SLC35F1: variants seen among roughly 807,000 people sequenced by gnomAD.
SLC35F1 encodes the protein solute carrier family 35 member F1.
Under a neutral mutation model 48.7 loss-of-function variants are expected in SLC35F1, and 14 were observed. That is an observed-to-expected ratio of 0.29 (90% CI 0.19 to 0.45). SLC35F1 has a LOEUF of 0.45. Among genes scored for constraint, SLC35F1 ranks in the 20% least tolerant of loss-of-function variants. The pLI is 1.00. For synonymous variants in SLC35F1, 190 were observed against 202.2 expected (o/e 0.94, Z 0.51); for missense variants, 404 against 500.0 (o/e 0.81, Z 1.83).
chr6:118,261,207 C>T (rs1379473692), intron 3 of SLC35F1, among the ~76,000 whole-genome samples: 6 of 152,202 alleles, frequency 3.9e-5, no homozygotes, highest in Non-Finnish European at 8.8e-5. Flanking sequence ...AACAGCCTCA[C>T]CTGTGGTGTG....
chr6:117,971,417 C>G (rs1012939725), intron 1 of SLC35F1, among the ~76,000 whole-genome samples: 4 of 152,214 alleles, frequency 2.6e-5, no homozygotes, highest in Admixed American at 6.5e-5. Context: ...ACAGTGCAAG[C>G]TGTCACTGGA....
chr6:117,971,566 T>C (rs1031890854), intron 1 of SLC35F1, among the ~76,000 whole-genome samples: 1 of 152,206 alleles, frequency 6.6e-6, no homozygotes, highest in African/African-American at 2.4e-5. Flanking sequence ...CCATGAGGGG[T>C]CCACCCCTGC....
intron 3 of SLC35F1, among the ~76,000 whole-genome samples, chr6:118,244,697 T>C (rs1187678311): frequency 2.6e-5 from 4 of 152,242 alleles, no homozygotes; most frequent in Non-Finnish European, 4.4e-5. Flanking sequence ...TATATGATAA[T>C]TGTTTATTTG....
rs139460227 is a variant in SLC35F1 at position 117,996,810 on chromosome 6, C to G, written c.173+88911C>G. 1.0e-3 allele frequency among the ~76,000 whole-genome samples: 156 copies of G among 152,164 alleles called. 2 individuals carry two copies. The East Asian group carries it at 0.027, about 26-fold the overall frequency. On this transcript the variant is annotated intron_variant, in intron 1 of 7. Coordinates refer to ENST00000360388, the MANE Select transcript of SLC35F1 (RefSeq NM_001029858.4). ...TCACCATCATCAAAGTAGATAAAACCACAAAGATGGGGAAAAAACAGAGCA... is the reference window on the plus strand; with the variant it reads ...TCACCATCATCAAAGTAGATAAAACGACAAAGATGGGGAAAAAACAGAGCA...
chr6:118,286,292 C>G (rs1031473384), intron 7 of SLC35F1, among the ~76,000 whole-genome samples: 1 of 152,154 alleles, frequency 6.6e-6, no homozygotes, highest in Non-Finnish European at 1.5e-5. Flanking sequence ...CCGCAGCACT[C>G]GGGGGTGGCC....
chr6:118,261,981 C>A (rs1775718568), intron 3 of SLC35F1, among the ~76,000 whole-genome samples: 1 of 152,136 alleles, frequency 6.6e-6, no homozygotes, highest in South Asian at 2.1e-4. Flanking sequence ...GTTGTGAACT[C>A]TTGTGGACCA....
rs1244626459 is a variant in SLC35F1 at position 117,923,782 on chromosome 6, TAC to T, written c.173+15885_173+15886del. Among the ~76,000 whole-genome samples the T allele has an allele frequency of 3.8e-5, 3 of 78,664 alleles. 1 individual carries two copies. Among genetic ancestry groups the T allele is most frequent in the African/African-American group, 1.8e-4 (3 of 16,330 alleles). 51.6% of individuals were successfully genotyped at this position (78,664 alleles called of 152,430 possible). Reference sequence around the variant, plus strand: ...ACATATGCACATACATATGTATATATACATATATGTACATATATACATATACA... The same window carrying T: ...ACATATGCACATACATATGTATATATATATATGTACATATATACATATACA... On this transcript the variant is annotated intron_variant, in intron 1 of 7. Coordinates refer to ENST00000360388, the MANE Select transcript of SLC35F1 (RefSeq NM_001029858.4).
intron 1 of SLC35F1, among the ~76,000 whole-genome samples, chr6:117,959,454 A>T (rs1253681152): frequency 6.6e-6 from 1 of 152,220 alleles, no homozygotes; most frequent in Non-Finnish European, 1.5e-5. Flanking sequence ...TTCAGTAACA[A>T]AATCTCTGTC....
intron 1 of SLC35F1, among the ~76,000 whole-genome samples, chr6:118,094,019 G>A (rs1773114091): frequency 6.6e-6 from 1 of 152,222 alleles, no homozygotes. Flanking sequence ...GATCTTTGAA[G>A]TGTTCCTGTA....
chr6:118,158,765 T>C (rs1470477949), intron 2 of SLC35F1, among the ~76,000 whole-genome samples: 1 of 152,152 alleles, frequency 6.6e-6, no homozygotes, highest in Admixed American at 6.5e-5. Flanking sequence ...CCAAAATGAA[T>C]TGGAGTTGAG....
intron 7 of SLC35F1, among the ~76,000 whole-genome samples, chr6:118,306,845 C>T (rs190618156): frequency 1.3e-5 from 2 of 152,272 alleles, no homozygotes; most frequent in Non-Finnish European, 2.9e-5. Context: ...GGCAGAAATC[C>T]ATTTTTAGCT....
At chr6:117,923,794 CATATATACATATACACATACATATGT>C (rs1401577964) in intron 1 of SLC35F1, among the ~76,000 whole-genome samples, 1 of 99,338 alleles carries the variant, frequency 1.0e-5, no homozygotes, top group Non-Finnish European at 1.9e-5. Context: ...CATATATGTA[CATATATACATATACACATACATATGT>C]ATATATACAT....
intron 1 of SLC35F1, among the ~76,000 whole-genome samples, chr6:118,104,447 A>C (rs528966703): frequency 2.6e-5 from 4 of 152,258 alleles, no homozygotes; most frequent in African/African-American, 9.6e-5. Context: ...CAGATAATAC[A>C]TAAAGCACAG....
chr6:118,257,792 G>A (rs1775665074), intron 3 of SLC35F1, among the ~76,000 whole-genome samples: 1 of 152,162 alleles, frequency 6.6e-6, no homozygotes, highest in African/African-American at 2.4e-5. Context: ...AAAGCCATAA[G>A]TTGAAGATAA....
At chr6:118,154,422 G>A (rs1562307809) in intron 1 of SLC35F1, 23 bp from the exon 2 acceptor site, 5 of 1,586,628 alleles carry the variant, frequency 3.2e-6, no homozygotes, top group Admixed American at 1.8e-5. Flanking sequence ...CCTTTGCTGT[G>A]TTTTTTTTCC....
intron 1 of SLC35F1, among the ~76,000 whole-genome samples, chr6:117,961,101 C>T (rs1003545811): frequency 6.6e-6 from 1 of 152,086 alleles, no homozygotes; most frequent in East Asian, 1.9e-4. Flanking sequence ...TTAAGTGAAT[C>T]ACACATTCCC....
chr6:117,907,883 C>G lies in SLC35F1; in HGVS notation c.157C>G (p.Arg53Gly), dbSNP rs1435721876. The G allele has an allele frequency of 4.7e-6, 7 of 1,492,376 alleles. No individual in the cohort carries two copies. The highest frequency in any genetic ancestry group is 6.2e-6 in the Non-Finnish European group (7 of 1,131,408). The allele number at this position is 1,492,376 out of a possible 1,614,324, so 92.4% of individuals were successfully genotyped here. A position where few individuals can be genotyped will look rare whatever the true frequency, so the allele number is the denominator to read the frequency against. ...SSRAGVRQRI[R>G]KVLNREMLIS... is the part of the protein sequence containing the mutation. ...CCGGGCTGGCGTGCGCCAGAGGATC[C>G]GCAAAGTGCTGAACAGGTGAGCGGC... Residue 53 changes from arginine (R) to glycine (G), a missense_variant, in exon 1 of 8, where the codon CGC becomes GGC. Transcript: ENST00000360388.
In SLC35F1 at chr6:118,311,588, G is replaced by A. The variant is rs12524408; in HGVS notation, c.1003-2440G>A. ...GTGGATGGCTTAAGCCCAAGAATTC[G>A]AGACCAGCCTGAGCAACATGGCAAA... On this transcript the variant is annotated intron_variant, in intron 7 of 7. Coordinates refer to ENST00000360388, the MANE Select transcript of SLC35F1 (RefSeq NM_001029858.4). Among the ~76,000 whole-genome samples, 863 of 152,264 alleles carry A rather than the reference G, an allele frequency of 5.7e-3. 8 individuals are homozygous for A. The highest frequency in any genetic ancestry group is 0.027 in the Middle Eastern group (8 of 294).
intron 1 of SLC35F1, among the ~76,000 whole-genome samples, chr6:117,914,128 ATCTATCTATCTG>A (rs1221204161): frequency 1.3e-3 from 195 of 150,804 alleles, no homozygotes; most frequent in African/African-American, 4.7e-3. Flanking sequence ...CTATCTATCT[ATCTATCTATCTG>A]TCTATCCACA....
Sources: allele counts gnomAD v4.1 joint callset (sites outside exome capture counted in the v4.1 genomes callset), GRCh38; gene constraint gnomAD v4.1.1; transcripts MANE v1.5; gene names NCBI Gene and HGNC (gene_info 2026-07-23, HGNC 2026-07-21).